Variants in CNOT3 observed in about 807,000 individuals in gnomAD.
CNOT3 encodes the protein CCR4-associated factor 3.
Under a neutral mutation model 89.4 loss-of-function variants are expected in CNOT3, and 2 were observed. The observed-to-expected ratio is 0.02, with a 90% CI of 0.01 to 0.07. The LOEUF is 0.07. Among genes scored for constraint, CNOT3 ranks in the 10% least tolerant of loss-of-function variants. CNOT3 has a pLI of 1.00. For synonymous variants in CNOT3, 486 were observed against 402.0 expected (o/e 1.21, Z -2.50); for missense variants, 664 against 1,010.2 (o/e 0.66, Z 4.65).
chr19:54,140,253 C>T (rs945260624), intron 1 of CNOT3, among the ~76,000 whole-genome samples: 2 of 152,150 alleles, frequency 1.3e-5, no homozygotes, highest in Non-Finnish European at 2.9e-5. Flanking sequence ...CACCTCCCCC[C>T]ACCCCGCCAC....
chr19:54,153,496 GCTT>G, intron 16 of CNOT3: 1 of 777,750 alleles, frequency 1.3e-6, no homozygotes. Context: ...CCTTCTCAAA[GCTT>G]CTCTGAAAGC....
intron 12 of CNOT3, 93 bp from the exon 13 acceptor site, chr19:54,149,467 T>TGTGCA: frequency 1.4e-6 from 1 of 714,204 alleles, no homozygotes; most frequent in Non-Finnish European, 2.2e-6. Context: ...CCATCTGATC[T>TGTGCA]GTGCAGTCTC....
chr19:54,152,671 AC>A lies in CNOT3; in HGVS notation c.1904+46del, dbSNP rs749381377. On this transcript the variant is annotated intron_variant, in intron 15 of 17. Transcript: ENST00000221232. ...GGGGATGGTCTGGGACTTGAGTCTT[AC>A]GGAGGAGGCAGTGGCTGAACCTGTG... 4.7e-6 allele frequency: 7 copies of A among 1,502,538 alleles called. No homozygotes were observed. In the East Asian group the frequency reaches 1.4e-4, roughly 29 times the overall value. The allele number at this position is 1,502,538 out of a possible 1,614,324, so 93.1% of individuals were successfully genotyped here. A position where few individuals can be genotyped will look rare whatever the true frequency, so the allele number is the denominator to read the frequency against.
Position 54,149,561 on chromosome 19 carries a change from A to G in CNOT3, c.1408A>G (p.Lys470Glu), listed in dbSNP as rs1193764226. 2 of 1,578,264 alleles carry G rather than the reference A, an allele frequency of 1.3e-6. No individual in the cohort carries two copies. Among genetic ancestry groups the G allele is most frequent in the South Asian group, 2.3e-5 (2 of 85,848 alleles). ...GPHNPPPSTSKEPSAAAPTGA... is the reference protein window; with the variant it reads ...GPHNPPPSTSEEPSAAAPTGA... ...CCCTCTTCCATGCTCTCTCTCCAGGAAGGAACCCAGTGCGGCAGCCCCAAC... is the reference window on the plus strand; with the variant it reads ...CCCTCTTCCATGCTCTCTCTCCAGGGAGGAACCCAGTGCGGCAGCCCCAAC... Residue 470 changes from lysine to glutamate, a missense_variant and splice_region_variant, in exon 13 of 18, where the codon AAG becomes GAG. Transcript: ENST00000221232.
At chr19:54,153,684 CT>C (rs774257009) in intron 16 of CNOT3, 30 bp from the exon 17 acceptor site, 65 of 1,606,358 alleles carry the variant, frequency 4.0e-5, no homozygotes, top group Non-Finnish European at 5.2e-5. Flanking sequence ...TGGGGGCCCC[CT>C]GATCCCCCTC....
chr19:54,140,960 C>T (rs587632442), intron 1 of CNOT3, among the ~76,000 whole-genome samples: 2 of 152,200 alleles, frequency 1.3e-5, no homozygotes, highest in African/African-American at 4.8e-5. Context: ...CCTCTTCTCT[C>T]TCTGGGCTGG....
chr19:54,153,258 C>T (rs775714154), intron 16 of CNOT3: 2 of 762,852 alleles, frequency 2.6e-6, no homozygotes, highest in Non-Finnish European at 2.4e-6. Context: ...TTCCAGTTGC[C>T]CACTGGCTCA....
intron 13 of CNOT3, among the ~76,000 whole-genome samples, chr19:54,150,023 G>C (rs1249121060): frequency 6.6e-6 from 1 of 152,060 alleles, no homozygotes; most frequent in Non-Finnish European, 1.5e-5. Context: ...GGTTGCACTT[G>C]TTGCTTGCTC....
Position 54,155,488 on chromosome 19 carries a change from G to A in CNOT3, c.*81G>A. 1 of 1,056,492 alleles carries A rather than the reference G, an allele frequency of 9.5e-7. No individual in the cohort carries two copies. The highest frequency in any genetic ancestry group is 2.4e-5 in the Admixed American group (1 of 42,174). The allele number at this position is 1,056,492 out of a possible 1,614,324, so 65.4% of individuals were successfully genotyped here. A position where few individuals can be genotyped will look rare whatever the true frequency, so the allele number is the denominator to read the frequency against. On this transcript the variant is annotated 3_prime_UTR_variant, in exon 18 of 18. Transcript: ENST00000221232. Reference sequence around the variant, plus strand: ...GGTGAGGGCCCTGCCCTGGAAGACTGGAGGGAGGCCCCAAGCCACGGGGCA... The same window carrying A: ...GGTGAGGGCCCTGCCCTGGAAGACTAGAGGGAGGCCCCAAGCCACGGGGCA...
At position 54,142,913 on chromosome 19, in the gene CNOT3, C is replaced by T; in HGVS notation, c.-50-16C>T. The T allele has an allele frequency of 1.3e-6, 2 of 1,533,572 alleles. No individual in the cohort carries two copies. Among genetic ancestry groups the T allele is most frequent in the East Asian group, 4.5e-5 (2 of 44,538 alleles). The allele number at this position is 1,533,572 out of a possible 1,614,324, so 95.0% of individuals were successfully genotyped here. On this transcript the variant is annotated splice_polypyrimidine_tract_variant and intron_variant, in intron 1 of 17. Coordinates refer to ENST00000221232, the MANE Select transcript of CNOT3 (RefSeq NM_014516.4). ...CAGGGAATACGTGTTAATTCCTCTC[C>T]AATCTCTCCTAGCAGCGTCCGTCTC...
intron 13 of CNOT3, 124 bp from the exon 14 acceptor site, chr19:54,152,102 G>T: frequency 1.2e-6 from 1 of 862,150 alleles, no homozygotes; most frequent in Non-Finnish European, 1.9e-6. Flanking sequence ...TAGATTGTGG[G>T]GAGTGGGTCG....
intron 17 of CNOT3, chr19:54,154,513 A>G (rs1353565774): frequency 2.4e-5 from 4 of 168,438 alleles, no homozygotes; most frequent in African/African-American, 9.5e-5. Context: ...TGACTGCTAC[A>G]TAGTCAGTGT....
At position 54,148,649 on chromosome 19, in the gene CNOT3, G is replaced by A; in HGVS notation, c.1312G>A (p.Ala438Thr). The change falls in exon 12 of 18, where the codon GCA (alanine) becomes ACA (threonine). Residue 438 changes from alanine to threonine, a missense_variant. By Grantham distance (58) the Ala-to-Thr change is moderately conservative. Around this residue, in one of 8 missense-constraint regions of CNOT3, gnomAD observed 545 missense variants for 566.2 expected, o/e 0.96. Transcript: ENST00000221232. This position sits in a 1 kb window ranked among gnomAD's most constrained non-coding sequence, Gnocchi z 6.3. ...CAGCTCAGTTGTGGCAGACAGCCCG[G>A]CAGAGGTGGCTTTGAGCAGCAGTGG... is the stretch of plus-strand genomic sequence containing the variant. ...SYSSVVADSP[A>T]EVALSSSGGN... 1 of 1,610,462 alleles carries A rather than the reference G, an allele frequency of 6.2e-7. No homozygotes were observed. The highest frequency in any genetic ancestry group is 8.5e-7 in the Non-Finnish European group (1 of 1,178,430).
rs1251769786 is a variant in CNOT3, at chr19:54,149,607, C to T, written c.1454C>T (p.Pro485Leu). The T allele has an allele frequency of 2.5e-6, 4 of 1,612,312 alleles. No individual in the cohort carries two copies. Among genetic ancestry groups the T allele is most frequent in the Non-Finnish European group, 2.5e-6 (3 of 1,178,942 alleles). Residue 485 changes from proline to leucine, a missense_variant, in exon 13 of 18, where the codon CCA becomes CTA. Around this residue, in one of 8 missense-constraint regions of CNOT3, gnomAD observed 545 missense variants for 566.2 expected, o/e 0.96. Coordinates refer to ENST00000221232, the MANE Select transcript of CNOT3 (RefSeq NM_014516.4). ...AAPTGAGGVA[P>L]GSGNNSGGPS... ...CCAACGGGGGCTGGGGGCGTGGCCCCAGGCTCAGGGAACAACTCAGGGGGA... is the reference window on the plus strand; with the variant it reads ...CCAACGGGGGCTGGGGGCGTGGCCCTAGGCTCAGGGAACAACTCAGGGGGA...
chr19:54,148,886 G>T lies in CNOT3; in HGVS notation c.1406+143G>T. On this transcript the variant is annotated intron_variant, in intron 12 of 17. Transcript: ENST00000221232. This position sits in a 1 kb window ranked among gnomAD's most constrained non-coding sequence, Gnocchi z 6.3. ...CCAAGCGCTATCCTCCATCTCCCTCGGGTGTTACACCCCCACTTCTTTCCA... is the reference window on the plus strand; with the variant it reads ...CCAAGCGCTATCCTCCATCTCCCTCTGGTGTTACACCCCCACTTCTTTCCA... 1.5e-6 allele frequency: 1 copy of T among 676,224 alleles called. No homozygotes were observed. 41.9% of individuals were successfully genotyped at this position (676,224 alleles called of 1,614,324 possible).
rs73062667 is a variant in CNOT3, at chr19:54,145,436, C to T, written c.484-162C>T. The T allele has an allele frequency of 0.031, 19,024 of 615,136 alleles. 387 individuals carry two copies. Among genetic ancestry groups the T allele is most frequent in the Non-Finnish European group, 0.043 (14,582 of 342,330 alleles). 38.1% of individuals were successfully genotyped at this position (615,136 alleles called of 1,614,324 possible). A position where few individuals can be genotyped will look rare whatever the true frequency, so the allele number is the denominator to read the frequency against. On this transcript the variant is annotated intron_variant, in intron 7 of 17. Transcript: ENST00000221232. This position sits in a 1 kb window ranked among gnomAD's most constrained non-coding sequence, Gnocchi z 5.9. ...AAGGCTAAGATTGGTCCCCACAGGG[C>T]TCAGAGGGTGGGTGGACCCCATACT... is the stretch of plus-strand genomic sequence containing the variant.
Position 54,155,631 on chromosome 19 carries a change from TAA to T in CNOT3, c.*226_*227del. The T allele has an allele frequency of 7.5e-7, 1 of 1,326,966 alleles. No homozygotes were observed. Among genetic ancestry groups the T allele is most frequent in the Non-Finnish European group, 1.0e-6 (1 of 971,398 alleles). The allele number at this position is 1,326,966 out of a possible 1,614,324, so 82.2% of individuals were successfully genotyped here. A position where few individuals can be genotyped will look rare whatever the true frequency, so the allele number is the denominator to read the frequency against. On this transcript the variant is annotated 3_prime_UTR_variant, in exon 18 of 18. Coordinates refer to ENST00000221232, the MANE Select transcript of CNOT3 (RefSeq NM_014516.4). ...CTCCCCAGTGAGGGACATTTTTTGG[TAA>T]ACCTATTTTCATTTTGGAAAATATT... is the stretch of plus-strand genomic sequence containing the variant.
chr19:54,146,439 T>C (rs1258688508), intron 9 of CNOT3, among the ~76,000 whole-genome samples, 162 bp from the exon 10 acceptor site: 1 of 152,114 alleles, frequency 6.6e-6, no homozygotes, highest in East Asian at 1.9e-4. Context: ...GAGCCTGAAT[T>C]GAGATGGTTT....
chr19:54,143,689 A>G lies in CNOT3; in HGVS notation c.198A>G (p.Val66=), dbSNP rs1490811928. The G allele has an allele frequency of 2.5e-6, 4 of 1,613,956 alleles. No homozygotes were observed. The South Asian group carries it at 3.3e-5, about 13-fold the overall frequency. ...QRLRDQIKTW[V]ASNEIKDKRQ... is the part of the protein sequence containing the mutation. Reference sequence around the variant, plus strand: ...TGAGGGACCAAATCAAGACATGGGTAGCGTCCAACGAGATCAAGGACAAGA... The same window carrying G: ...TGAGGGACCAAATCAAGACATGGGTGGCGTCCAACGAGATCAAGGACAAGA... The change falls in exon 5 of 18, where the codon GTA becomes GTG. Residue 66 remains valine (V), a synonymous_variant. Coordinates refer to ENST00000221232, the MANE Select transcript of CNOT3 (RefSeq NM_014516.4).
Sources: gnomAD v4.1 joint callset for allele counts (sites outside exome capture counted in the v4.1 genomes callset) on GRCh38, gnomAD v4.1.1 for gene constraint, gnomAD v4.1.1 regional missense constraint, Gnocchi (gnomAD v3.1) non-coding constraint, MANE v1.5 for transcripts, NCBI Gene and HGNC (gene_info 2026-07-23, HGNC 2026-07-21) for gene names.